The following ICMT variants were observed in gnomAD, a reference collection of about 807,000 sequenced individuals.
ICMT encodes the protein protein-S-isoprenylcysteine O-methyltransferase.
Under a neutral mutation model 32.2 loss-of-function variants are expected in ICMT, and 10 were observed. The observed-to-expected ratio is 0.31, with a 90% CI of 0.19 to 0.53. The LOEUF is 0.53. Among genes scored for constraint, ICMT ranks in the 20% least tolerant of loss-of-function variants. The probability of loss-of-function intolerance (pLI) is 0.96; values close to 1 mark genes in which losing one functional copy is unlikely to be tolerated. For synonymous variants in ICMT, 183 were observed against 158.2 expected (o/e 1.16, Z -1.18); for missense variants, 265 against 356.9 (o/e 0.74, Z 2.07).
intron 4 of ICMT, among the ~76,000 whole-genome samples, chr1:6,229,825 T>G (rs866909505): frequency 7.8e-6 from 1 of 128,834 alleles, no homozygotes; most frequent in African/African-American, 3.1e-5. Context: ...CACACACACA[T>G]AGAGCAGGTG....
Position 6,225,051 on chromosome 1 carries a change from G to C in ICMT, c.*29C>G, listed in dbSNP as rs556416674. On this transcript the variant is annotated 3_prime_UTR_variant, in exon 5 of 5. Transcript: ENST00000343813. ...TTGTCCCAGGCTGCACAGGGTCGGAGGCCCCAAGGTCACCGGGGCCACTGC... is the reference window on the plus strand; with the variant it reads ...TTGTCCCAGGCTGCACAGGGTCGGACGCCCCAAGGTCACCGGGGCCACTGC... 3.1e-6 allele frequency: 5 copies of C among 1,595,024 alleles called. No individual in the cohort carries two copies. Among genetic ancestry groups the C allele is most frequent in the Non-Finnish European group, 4.3e-6 (5 of 1,169,434 alleles).
At chr1:6,231,858 T>TAAA (rs59840043) in intron 4 of ICMT, 44 bp downstream of exon 4, 263 of 1,036,452 alleles carry the variant, frequency 2.5e-4, no homozygotes, top group African/African-American at 2.1e-3. Flanking sequence ...AAATGTTACT[T>TAAA]AAAAAAAAAA....
chr1:6,235,254 A>C (rs564838441), intron 1 of ICMT, among the ~76,000 whole-genome samples: 2 of 152,346 alleles, frequency 1.3e-5, no homozygotes, highest in South Asian at 4.1e-4. Context: ...TACCCACGTA[A>C]AACACTTAAG....
At chr1:6,226,676 T>A (rs1488287085) in intron 4 of ICMT, among the ~76,000 whole-genome samples, 2 of 152,228 alleles carry the variant, frequency 1.3e-5, no homozygotes, top group Admixed American at 1.3e-4. Flanking sequence ...TTTACAATCA[T>A]TACCCTGTTC....
At chr1:6,227,706 T>C (rs1418167759) in intron 4 of ICMT, among the ~76,000 whole-genome samples, 1 of 151,592 alleles carries the variant, frequency 6.6e-6, no homozygotes, top group Non-Finnish European at 1.5e-5. Flanking sequence ...ATACAAAAAA[T>C]TTAGCCAGGC....
chr1:6,232,820 TTAAAGGCGTGAG>T (rs1268237491), intron 3 of ICMT, among the ~76,000 whole-genome samples: 39 of 151,874 alleles, frequency 2.6e-4, no homozygotes, highest in African/African-American at 9.4e-4. Flanking sequence ...AGTGCTGGGA[TTAAAGGCGTGAG>T]CCACTGCACC....
rs866909505 is a variant in ICMT, at chr1:6,229,825, T to C, written c.672+2077A>G. ...ACACACACACACACACACACACACA[T>C]AGAGCAGGTGCAGTGGCTCACACCT... On this transcript the variant is annotated intron_variant, in intron 4 of 4. Transcript: ENST00000343813. 2.7e-3 allele frequency among the ~76,000 whole-genome samples: 348 copies of C among 128,834 alleles called. 1 individual carries two copies. The highest frequency in any genetic ancestry group is 0.01 in the African/African-American group (329 of 32,732). The allele number at this position is 128,834 out of a possible 152,430, so 84.5% of individuals were successfully genotyped here.
chr1:6,233,935 G>A (rs846107), intron 2 of ICMT, among the ~76,000 whole-genome samples: 2,308 of 152,170 alleles, frequency 0.015, 29 homozygotes, highest in Middle Eastern at 0.037. Flanking sequence ...TGCAACCTCC[G>A]CCTCCCAGGT....
chr1:6,231,184 A>G (rs1668730591), intron 4 of ICMT, among the ~76,000 whole-genome samples: 1 of 140,012 alleles, frequency 7.1e-6, no homozygotes, highest in Non-Finnish European at 1.6e-5. Flanking sequence ...AAAAAAAAAG[A>G]AAGAAAGAAA....
intron 2 of ICMT, chr1:6,234,306 G>A: frequency 2.7e-6 from 1 of 371,040 alleles, no homozygotes; most frequent in South Asian, 2.1e-5. Context: ...ATAAAGGAGT[G>A]ATGTATGTCG....
At chr1:6,233,764 G>C (rs962280864) in intron 2 of ICMT, 121 bp from the exon 3 acceptor site, 1 of 723,636 alleles carries the variant, frequency 1.4e-6, no homozygotes, top group African/African-American at 1.8e-5. Context: ...CTGTCTGAGA[G>C]TGGACACAGG....
chr1:6,234,389 A>T (rs1668783527), intron 2 of ICMT: 1 of 433,844 alleles, frequency 2.3e-6, no homozygotes, highest in African/African-American at 2.1e-5. Context: ...TGATAAGAGG[A>T]GATAAAACTT....
At chr1:6,228,540 C>T (rs1334223283) in intron 4 of ICMT, among the ~76,000 whole-genome samples, 2 of 151,864 alleles carry the variant, frequency 1.3e-5, no homozygotes, top group Admixed American at 6.6e-5. Context: ...GATGAGGCTT[C>T]ACTGTGTTAG....
At chr1:6,228,864 C>G (rs1403950445) in intron 4 of ICMT, among the ~76,000 whole-genome samples, 1 of 150,422 alleles carries the variant, frequency 6.6e-6, no homozygotes, top group Non-Finnish European at 1.5e-5. Flanking sequence ...CCTACTAAAC[C>G]TACTAAAAAT....
intron 3 of ICMT, 58 bp from the exon 4 acceptor site, chr1:6,232,177 C>A: frequency 8.2e-7 from 1 of 1,222,214 alleles, no homozygotes. Flanking sequence ...CTGAGCTCCC[C>A]TTCGCACTGC....
At chr1:6,235,673 G>GCCGCCCGCC (rs1668812455) in intron 1 of ICMT, 44 bp downstream of exon 1, 2 of 1,131,642 alleles carry the variant, frequency 1.8e-6, no homozygotes, top group Non-Finnish European at 1.1e-6. Context: ...CAAGCGGACC[G>GCCGCCCGCC]CCGCCCGCCC....
chr1:6,234,271 A>T (rs1313473508), intron 2 of ICMT: 1 of 355,508 alleles, frequency 2.8e-6, no homozygotes, highest in African/African-American at 2.2e-5. Flanking sequence ...ACACACAATA[A>T]AACATGAAAG....
At chr1:6,226,433 A>G (rs1345109955) in intron 4 of ICMT, among the ~76,000 whole-genome samples, 1 of 152,146 alleles carries the variant, frequency 6.6e-6, no homozygotes, top group East Asian at 1.9e-4. Flanking sequence ...ATCTCCAGCC[A>G]AACAGTCCTT....
At chr1:6,228,623 T>C (rs1571224492) in intron 4 of ICMT, among the ~76,000 whole-genome samples, 1 of 150,766 alleles carries the variant, frequency 6.6e-6, no homozygotes, top group Non-Finnish European at 1.5e-5. Context: ...ATTACAGGCA[T>C]GAGCCACCAT....
Sources: gnomAD v4.1 joint callset for allele counts (sites outside exome capture counted in the v4.1 genomes callset) on GRCh38, gnomAD v4.1.1 for gene constraint, MANE v1.5 for transcripts, NCBI Gene and HGNC (gene_info 2026-07-23, HGNC 2026-07-21) for gene names.